The following ABCB4 variants were observed in gnomAD, a reference collection of about 807,000 sequenced individuals.
ABCB4 encodes the protein ATP binding cassette subfamily B member 4, also known as phosphatidylcholine translocator ABCB4.
ABCB4 carries 76 observed loss-of-function variants against 145.7 expected under a neutral mutation model. That is an observed-to-expected ratio of 0.52 (90% confidence interval 0.43 to 0.63). ABCB4 has a LOEUF of 0.63. Among genes scored for constraint, ABCB4 ranks in the 30% least tolerant of loss-of-function variants. The pLI is 0.00. For synonymous variants in ABCB4, 517 were observed against 566.8 expected, an observed-to-expected ratio of 0.91 and a Z score of 1.25; for missense variants, 1,234 against 1,553.1, an observed-to-expected ratio of 0.79 and a Z score of 3.45.
chr7:87,403,250 G>A lies in ABCB4; in HGVS notation c.3518C>T (p.Thr1173Ile), dbSNP rs1480036240. 1 of 1,613,858 alleles carries A rather than the reference G, an allele frequency of 6.2e-7. No homozygotes were observed. The highest frequency in any genetic ancestry group is 8.5e-7 in the Non-Finnish European group (1 of 1,179,904). ...KYETRVGDKG[T>I]QLSGGQKQRI... ...CTGTTTTTGACCTCCTGAGAGCTGA[G>A]TCCCCTTATCTCCCACTCTTGTTTC... Residue 1173 changes from threonine to isoleucine, a missense_variant, in exon 27 of 28, where the codon ACT (threonine) becomes ATT (isoleucine). Transcript: ENST00000649586.
chr7:87,450,159 C>G (rs1811617479), intron 7 of ABCB4, 67 bp from the exon 8 acceptor site: 5 of 1,596,908 alleles, frequency 3.1e-6, no homozygotes, highest in Non-Finnish European at 4.3e-6. Flanking sequence ...TCTGGTCAAC[C>G]CTTTAACCTA....
At chr7:87,408,445 G>A (rs1305278378) in intron 24 of ABCB4, among the ~76,000 whole-genome samples, 1 of 152,140 alleles carries the variant, frequency 6.6e-6, no homozygotes, top group Non-Finnish European at 1.5e-5. Flanking sequence ...TAGACAAAAA[G>A]TCATTACCAT....
At chr7:87,474,919 G>A (rs1217074966) in intron 2 of ABCB4, among the ~76,000 whole-genome samples, 2 of 152,188 alleles carry the variant, frequency 1.3e-5, no homozygotes, top group African/African-American at 4.8e-5. Flanking sequence ...GGTAAGACAA[G>A]GAGGAAGAGA....
intron 8 of ABCB4, among the ~76,000 whole-genome samples, chr7:87,449,559 G>A (rs1282014692): frequency 3.3e-5 from 5 of 150,904 alleles, no homozygotes; most frequent in African/African-American, 1.2e-4. Flanking sequence ...TCAGCCTCCT[G>A]AGTAGCTGGG....
the ABCB4 span, among the ~76,000 whole-genome samples, chr7:87,393,786 A>G: frequency 1.3e-5 from 2 of 152,226 alleles, no homozygotes; most frequent in African/African-American, 2.4e-5. Context: ...AGTAATATGC[A>G]TGACATATTT....
chr7:87,375,898 T>C, the ABCB4 span: 2 of 1,613,338 alleles, frequency 1.2e-6, no homozygotes, highest in Admixed American at 3.3e-5. Flanking sequence ...AGTAGTTTAC[T>C]GGTATATTCC....
At chr7:87,379,763 A>C in the ABCB4 span, among the ~76,000 whole-genome samples, 1 of 152,220 alleles carries the variant, frequency 6.6e-6, no homozygotes, top group African/African-American at 2.4e-5. Context: ...TTCCCTTCTA[A>C]CCTAAGATGA....
chr7:87,472,560 T>A, intron 3 of ABCB4, 61 bp downstream of exon 3: 1 of 1,407,738 alleles, frequency 7.1e-7, no homozygotes, highest in Non-Finnish European at 1.0e-6. Context: ...AGGTAATTGA[T>A]TCAATACCTC....
chr7:87,433,660 C>CA (rs1810392159), intron 14 of ABCB4, among the ~76,000 whole-genome samples: 1 of 122,034 alleles, frequency 8.2e-6, no homozygotes. Flanking sequence ...AGCTTTGACA[C>CA]AAAAAATTGT....
At chr7:87,467,314 T>C (rs1812981555) in intron 3 of ABCB4, among the ~76,000 whole-genome samples, 1 of 152,210 alleles carries the variant, frequency 6.6e-6, no homozygotes, top group Non-Finnish European at 1.5e-5. Flanking sequence ...GGCCATTACA[T>C]AATGGTAAAC....
the ABCB4 span, among the ~76,000 whole-genome samples, chr7:87,384,123 G>C: frequency 8.5e-5 from 13 of 152,250 alleles, no homozygotes; most frequent in African/African-American, 3.1e-4. Context: ...TTTTTAACTA[G>C]GGTGAGGTGA....
At chr7:87,416,790 T>C (rs1327462654) in intron 21 of ABCB4, among the ~76,000 whole-genome samples, 1 of 152,218 alleles carries the variant, frequency 6.6e-6, no homozygotes, top group East Asian at 1.9e-4. Flanking sequence ...TATAAATATG[T>C]AGCACAATAA....
chr7:87,397,302 G>C (rs889891944), downstream of ABCB4, among the ~76,000 whole-genome samples: 1 of 150,432 alleles, frequency 6.6e-6, no homozygotes, highest in Non-Finnish European at 1.5e-5. Context: ...AGTGAGCTGA[G>C]ATCATGCCAC....
intron 14 of ABCB4, among the ~76,000 whole-genome samples, chr7:87,438,456 T>G (rs1302851987): frequency 1.3e-5 from 2 of 152,166 alleles, no homozygotes; most frequent in Non-Finnish European, 2.9e-5. Context: ...ATAAAATAAG[T>G]CAAGATATTG....
intron 4 of ABCB4, among the ~76,000 whole-genome samples, chr7:87,459,173 C>T (rs1230769555): frequency 6.6e-6 from 1 of 152,052 alleles, no homozygotes; most frequent in Non-Finnish European, 1.5e-5. Flanking sequence ...ATAAAGTTTA[C>T]CATGTTAACT....
In ABCB4 at chr7:87,423,988, T is replaced by C. The variant is rs1431819415; in HGVS notation, c.2129A>G (p.Tyr710Cys). 2 of 1,614,098 alleles carry C rather than the reference T, an allele frequency of 1.2e-6. No individual in the cohort carries two copies. The highest frequency in any genetic ancestry group is 3.3e-4 in the Middle Eastern group (2 of 6,062). ...VLKLNKTEWP[Y>C]FVVGTVCAIA... ...GGCACATACTGTTCCCACGACAAAGTAGGGCCATTCTGTTTTATTCAGTTT... is the reference window on the plus strand; with the variant it reads ...GGCACATACTGTTCCCACGACAAAGCAGGGCCATTCTGTTTTATTCAGTTT... Residue 710 changes from tyrosine (Y) to cysteine (C), a missense_variant, in exon 17 of 28, where the codon TAC (tyrosine) becomes TGC (cysteine). Around this residue, in one of 7 missense-constraint regions of ABCB4, gnomAD observed 321 missense variants for 332.6 expected, o/e 0.97. Transcript: ENST00000649586.
chr7:87,391,494 C>A, the ABCB4 span: 1 of 1,239,688 alleles, frequency 8.1e-7, no homozygotes, highest in Non-Finnish European at 1.1e-6. Flanking sequence ...AGGGCTTAGT[C>A]TCTGAACAAA....
intron 14 of ABCB4, 42 bp from the exon 15 acceptor site, chr7:87,431,607 G>T (rs1159801537): frequency 1.9e-6 from 3 of 1,610,466 alleles, no homozygotes; most frequent in Non-Finnish European, 2.5e-6. Flanking sequence ...TACAGTATTG[G>T]CACACTGTCA....
chr7:87,387,158 G>A, the ABCB4 span, among the ~76,000 whole-genome samples: 4 of 151,864 alleles, frequency 2.6e-5, no homozygotes, highest in African/African-American at 4.8e-5. Context: ...ATACTCCTGA[G>A]GATAATTGGT....
Sources: allele counts gnomAD v4.1 joint callset (sites outside exome capture counted in the v4.1 genomes callset), GRCh38; gene constraint gnomAD v4.1.1; regional missense constraint gnomAD v4.1.1; transcripts MANE v1.5; gene names NCBI Gene and HGNC (gene_info 2026-07-23, HGNC 2026-07-21).